PACS1: variants seen among roughly 807,000 people sequenced by gnomAD.
The protein encoded by PACS1 is phosphofurin acidic cluster sorting protein 1, also known as PACS-1.
A neutral mutation model predicts 115.0 loss-of-function variants in PACS1; 24 were observed. The ratio of observed to expected loss-of-function variants is 0.21; its 90% CI spans 0.15 to 0.29. PACS1 has a LOEUF of 0.29. Among genes scored for constraint, PACS1 ranks in the 10% least tolerant of loss-of-function variants. The pLI is 1.00. For missense variants in PACS1, 838 were observed against 1,251.2 expected, an observed-to-expected ratio of 0.67 and a Z score of 4.98; for synonymous variants, 453 against 504.5, an observed-to-expected ratio of 0.90 and a Z score of 1.37.
chr11:66,226,102 G>A (rs1490403987), intron 10 of PACS1, among the ~76,000 whole-genome samples: 3 of 152,172 alleles, frequency 2.0e-5, no homozygotes, highest in African/African-American at 7.2e-5. Flanking sequence ...AACCCGGGAG[G>A]CAGAGGTTGC....
intron 1 of PACS1, among the ~76,000 whole-genome samples, chr11:66,147,926 A>G (rs1279829084): frequency 6.6e-6 from 1 of 152,192 alleles, no homozygotes; most frequent in Admixed American, 6.5e-5. Context: ...TTGCATGCCT[A>G]TATCAAAGCA....
chr11:66,238,910 C>A, intron 20 of PACS1, 64 bp downstream of exon 20: 1 of 1,479,872 alleles, frequency 6.8e-7, no homozygotes, highest in South Asian at 1.2e-5. Flanking sequence ...TCCCTCTAGT[C>A]CAGCAGGCCA....
intron 1 of PACS1, among the ~76,000 whole-genome samples, chr11:66,115,391 A>T (rs1254569605): frequency 6.6e-6 from 1 of 152,070 alleles, no homozygotes; most frequent in African/African-American, 2.4e-5. Context: ...ATTTCTGTGG[A>T]ACTTTCTACC....
rs61270162 is a variant in PACS1 at position 66,156,204 on chromosome 11, T to TTATATATA, written c.357-37239_357-37232dup. Among the ~76,000 whole-genome samples, 73 of 85,036 alleles carry TTATATATA rather than the reference T, an allele frequency of 8.6e-4. 1 individual carries two copies. Among genetic ancestry groups the TTATATATA allele is most frequent in the South Asian group, 1.8e-3 (3 of 1,680 alleles). 55.8% of individuals were successfully genotyped at this position (85,036 alleles called of 152,430 possible). On this transcript the variant is annotated intron_variant, in intron 1 of 23. Transcript: ENST00000320580. ...CCACAAAGTTGTTTCATTTTTTAAATTATATATATATATATATATATATAT... is the reference window on the plus strand; with the variant it reads ...CCACAAAGTTGTTTCATTTTTTAAATTATATATATATATATATATATATATATATATAT...
At chr11:66,237,715 G>C (rs951597835) in intron 19 of PACS1, among the ~76,000 whole-genome samples, 1 of 152,224 alleles carries the variant, frequency 6.6e-6, no homozygotes, top group East Asian at 1.9e-4. Context: ...AACCGAGAGA[G>C]ACAGAGAGAT....
chr11:66,241,683 T>TG, intron 22 of PACS1, 30 bp downstream of exon 22: 1 of 1,564,758 alleles, frequency 6.4e-7, no homozygotes, highest in Non-Finnish European at 8.8e-7. Flanking sequence ...GGGAAGACCA[T>TG]GGGCCACCAG....
At chr11:66,196,132 G>T (rs1854644113) in intron 2 of PACS1, among the ~76,000 whole-genome samples, 1 of 152,154 alleles carries the variant, frequency 6.6e-6, no homozygotes, top group African/African-American at 2.4e-5. Context: ...AAGAGGCTGG[G>T]GCATGCGGGT....
rs950307088 is a variant in PACS1 at position 66,071,774 on chromosome 11, C to G, written c.356+932C>G. ...GTTGCCTTGAAGTCTTGGGCTGTCT[C>G]CTCACTGTTGGTTAGGCAGACGGAT... On this transcript the variant is annotated intron_variant, in intron 1 of 23. Transcript: ENST00000320580. 2.0e-5 allele frequency among the ~76,000 whole-genome samples: 3 copies of G among 152,158 alleles called. No individual in the cohort carries two copies. In the East Asian group the frequency reaches 5.8e-4, roughly 29 times the overall value.
intron 1 of PACS1, among the ~76,000 whole-genome samples, chr11:66,107,012 T>C (rs529938496): frequency 6.6e-6 from 1 of 152,288 alleles, no homozygotes; most frequent in South Asian, 2.1e-4. Flanking sequence ...ATTTTACCCT[T>C]TGAGAAGCCT....
chr11:66,201,316 C>T (rs1854789766), intron 2 of PACS1, among the ~76,000 whole-genome samples: 1 of 151,716 alleles, frequency 6.6e-6, no homozygotes, highest in Non-Finnish European at 1.5e-5. Flanking sequence ...GCAATAGGCA[C>T]ACATGGAATT....
At chr11:66,142,253 A>G (rs757032382) in intron 1 of PACS1, among the ~76,000 whole-genome samples, 6 of 152,150 alleles carry the variant, frequency 3.9e-5, no homozygotes, top group Non-Finnish European at 7.3e-5. Flanking sequence ...GCTGGGCTGC[A>G]TATATTTTTT....
intron 1 of PACS1, among the ~76,000 whole-genome samples, chr11:66,128,247 AAAAC>A (rs1858622942): frequency 6.6e-6 from 1 of 152,234 alleles, no homozygotes; most frequent in Non-Finnish European, 1.5e-5. Context: ...TTTATTTTAT[AAAAC>A]AAACCAAAAA....
At chr11:66,099,909 C>T (rs1184182692) in intron 1 of PACS1, among the ~76,000 whole-genome samples, 6 of 151,636 alleles carry the variant, frequency 4.0e-5, no homozygotes, top group African/African-American at 7.3e-5. Context: ...AGTGCAATGG[C>T]GCAATCTCGG....
chr11:66,193,104 A>T (rs150639070), intron 1 of PACS1, among the ~76,000 whole-genome samples: 1 of 152,320 alleles, frequency 6.6e-6, no homozygotes, highest in East Asian at 1.9e-4. Flanking sequence ...GCTCCAACAT[A>T]CTAGGCATGG....
At chr11:66,194,856 A>C (rs1854614078) in intron 2 of PACS1, among the ~76,000 whole-genome samples, 2 of 152,344 alleles carry the variant, frequency 1.3e-5, no homozygotes, top group South Asian at 4.1e-4. Flanking sequence ...CAGTGTGTGA[A>C]TCATATATTG....
At chr11:66,133,763 C>A (rs954133706) in intron 1 of PACS1, among the ~76,000 whole-genome samples, 1 of 152,184 alleles carries the variant, frequency 6.6e-6, no homozygotes, top group Non-Finnish European at 1.5e-5. Context: ...TCTCAACCCC[C>A]CAAAGTGCTG....
At chr11:66,105,548 A>G (rs1858018940) in intron 1 of PACS1, among the ~76,000 whole-genome samples, 1 of 152,376 alleles carries the variant, frequency 6.6e-6, no homozygotes, top group East Asian at 1.9e-4. Flanking sequence ...AGACTGGAAG[A>G]TAATGTGAAA....
intron 14 of PACS1, 151 bp downstream of exon 14, chr11:66,232,427 C>CT (rs1303506025): frequency 8.7e-6 from 5 of 577,180 alleles, no homozygotes; most frequent in African/African-American, 1.9e-5. Context: ...GCCCAGAACT[C>CT]TGAGTTCTAG....
chr11:66,193,880 A>C (rs1366030292), intron 2 of PACS1, among the ~76,000 whole-genome samples: 1 of 152,214 alleles, frequency 6.6e-6, no homozygotes, highest in African/African-American at 2.4e-5. Flanking sequence ...AGAAATTACT[A>C]GGCTGGCTAG....
Sources: allele counts gnomAD v4.1 joint callset (sites outside exome capture counted in the v4.1 genomes callset), GRCh38; gene constraint gnomAD v4.1.1; transcripts MANE v1.5; gene names NCBI Gene and HGNC (gene_info 2026-07-23, HGNC 2026-07-21).